KIF2A: variants seen among roughly 807,000 people sequenced by gnomAD.
KIF2A encodes kinesin-like protein KIF2A.
In KIF2A, 22 loss-of-function variants were observed where a neutral mutation model predicts 100.2. The observed-to-expected ratio is 0.22, with a 90% CI of 0.16 to 0.31. KIF2A has a LOEUF of 0.31. Among genes scored for constraint, KIF2A ranks in the 10% least tolerant of loss-of-function variants. KIF2A has a pLI of 1.00. For synonymous variants in KIF2A, 268 were observed against 285.9 expected (o/e 0.94, Z 0.63); for missense variants, 495 against 898.7 (o/e 0.55, Z 5.74).
chr5:62,313,207 T>C (rs1303270254), intron 1 of KIF2A, among the ~76,000 whole-genome samples: 1 of 152,214 alleles, frequency 6.6e-6, no homozygotes, highest in Non-Finnish European at 1.5e-5. Flanking sequence ...GTGTACATTA[T>C]TACTACCTTC....
intron 7 of KIF2A, 137 bp downstream of exon 7, chr5:62,355,391 A>G (rs1748048376): frequency 3.5e-6 from 2 of 570,698 alleles, no homozygotes; most frequent in Non-Finnish European, 6.3e-6. Context: ...CCATATTTTA[A>G]GAAGAAAATC....
rs1308107192 is a variant in KIF2A at position 62,387,238 on chromosome 5, T to TC, written c.*1670dup. 1 of 152,218 alleles carries TC rather than the reference T, an allele frequency of 6.6e-6. No individual in the cohort carries two copies. Among genetic ancestry groups the TC allele is most frequent in the African/African-American group, 2.4e-5 (1 of 41,450 alleles). The allele number at this position is 152,218 out of a possible 1,614,324, so 9.4% of individuals were successfully genotyped here. On this transcript the variant is annotated 3_prime_UTR_variant, in exon 21 of 21. Transcript: ENST00000407818. The stretch of plus-strand genomic sequence containing the variant: ...TTTGTTTTGGAAAGGACTCAGGTTT[T>TC]CTTGCAGCTGTAAGATATATTCTAT...
intron 4 of KIF2A, among the ~76,000 whole-genome samples, chr5:62,351,447 G>A (rs16890659): frequency 0.25 from 37,276 of 151,814 alleles, 4,654 homozygotes; most frequent in Middle Eastern, 0.3. Context: ...GTTAACTGAA[G>A]TCTCCCATAT....
chr5:62,317,052 CT>C (rs757855450), intron 1 of KIF2A, among the ~76,000 whole-genome samples: 3,918 of 141,446 alleles, frequency 0.028, 119 homozygotes, highest in African/African-American at 0.079. Flanking sequence ...AACTTTAGCC[CT>C]TTTTTTTTTT....
At chr5:62,314,807 G>C (rs1188160134) in intron 1 of KIF2A, among the ~76,000 whole-genome samples, 3 of 130,156 alleles carry the variant, frequency 2.3e-5, no homozygotes, top group Non-Finnish European at 4.7e-5. Flanking sequence ...CTGTCACCCA[G>C]GCTGTAGTGC....
chr5:62,335,310 A>G (rs1390679592), intron 1 of KIF2A, among the ~76,000 whole-genome samples: 1 of 152,204 alleles, frequency 6.6e-6, no homozygotes, highest in Non-Finnish European at 1.5e-5. Context: ...TGAGAGACCC[A>G]GTGCCCTGCT....
intron 16 of KIF2A, among the ~76,000 whole-genome samples, chr5:62,367,386 C>A (rs917123784): frequency 1.3e-5 from 2 of 152,010 alleles, no homozygotes; most frequent in Non-Finnish European, 2.9e-5. Flanking sequence ...CCTGCCTCAG[C>A]CCCCTGGGTA....
intron 1 of KIF2A, among the ~76,000 whole-genome samples, chr5:62,325,207 C>T (rs1746310132): frequency 6.6e-6 from 1 of 152,056 alleles, no homozygotes; most frequent in African/African-American, 2.4e-5. Flanking sequence ...TCACTGAAAC[C>T]TCCACCTCCT....
intron 1 of KIF2A, among the ~76,000 whole-genome samples, chr5:62,315,316 T>C (rs1745763663): frequency 6.6e-6 from 1 of 151,258 alleles, no homozygotes; most frequent in Admixed American, 6.6e-5. Flanking sequence ...CTAGAGATTC[T>C]GTCTGGTATG....
Position 62,389,069 on chromosome 5 carries a change from A to C in KIF2A, c.*3500A>C. ...TGTAGCAATCTGAAAAAAGAAATCA[A>C]AATGGAATGGTACTGAAAAGCTAAT... On this transcript the variant is annotated 3_prime_UTR_variant, in exon 21 of 21. Transcript: ENST00000407818. 1 of 1,609,420 alleles carries C rather than the reference A, an allele frequency of 6.2e-7. No homozygotes were observed. The highest frequency in any genetic ancestry group is 8.5e-7 in the Non-Finnish European group (1 of 1,177,374).
At chr5:62,380,790 A>G (rs1741742929) in intron 19 of KIF2A, among the ~76,000 whole-genome samples, 1 of 152,178 alleles carries the variant, frequency 6.6e-6, no homozygotes, top group Non-Finnish European at 1.5e-5. Context: ...CACATTGAGT[A>G]GGCTGAGGAG....
In KIF2A at chr5:62,350,124, A is replaced by G; in HGVS notation, c.334+4A>G. ...CCTCCTTCAAGAGATAATAGAGGTAAAGTAAAAATTTATCTCTTAATTTTG... is the reference window on the plus strand; with the variant it reads ...CCTCCTTCAAGAGATAATAGAGGTAGAGTAAAAATTTATCTCTTAATTTTG... On this transcript the variant is annotated splice_donor_region_variant and intron_variant, in intron 4 of 20. Coordinates refer to ENST00000407818, the MANE Select transcript of KIF2A (RefSeq NM_001098511.3). The G allele has an allele frequency of 6.4e-7, 1 of 1,551,920 alleles. No homozygotes were observed. Among genetic ancestry groups the G allele is most frequent in the Non-Finnish European group, 8.8e-7 (1 of 1,141,522 alleles).
chr5:62,322,730 ATATG>A (rs1746160714), intron 1 of KIF2A, among the ~76,000 whole-genome samples: 1 of 152,136 alleles, frequency 6.6e-6, no homozygotes, highest in Non-Finnish European at 1.5e-5. Context: ...CTACACACAT[ATATG>A]CATATATGGT....
intron 1 of KIF2A, among the ~76,000 whole-genome samples, chr5:62,321,177 T>C (rs1561249803): frequency 1.3e-5 from 2 of 152,214 alleles, no homozygotes; most frequent in African/African-American, 2.4e-5. Context: ...TCGATAGACA[T>C]TTGGGTTTCC....
chr5:62,339,591 A>G (rs1401176413), intron 1 of KIF2A, among the ~76,000 whole-genome samples: 1 of 140,440 alleles, frequency 7.1e-6, no homozygotes, highest in Non-Finnish European at 1.6e-5. Context: ...CACATATGTA[A>G]GAATGTCCAT....
chr5:62,373,983 G>A (rs1561280020), intron 18 of KIF2A, 146 bp downstream of exon 18: 3 of 650,504 alleles, frequency 4.6e-6, no homozygotes, highest in South Asian at 3.8e-5. Flanking sequence ...GAGGCTGAGT[G>A]AGAGGACTGC....
intron 14 of KIF2A, among the ~76,000 whole-genome samples, chr5:62,364,536 G>A (rs1740978166): frequency 6.6e-6 from 1 of 152,150 alleles, no homozygotes; most frequent in Admixed American, 6.6e-5. Flanking sequence ...AATGTGGAAT[G>A]GCTTTCAAAA....
chr5:62,311,248 TA>T, intron 1 of KIF2A, among the ~76,000 whole-genome samples: 1 of 152,300 alleles, frequency 6.6e-6, no homozygotes, highest in African/African-American at 2.4e-5. Context: ...AATTCTCTGT[TA>T]TTTTGGAACC....
chr5:62,326,870 G>A (rs988815621), intron 1 of KIF2A, among the ~76,000 whole-genome samples: 1 of 152,052 alleles, frequency 6.6e-6, no homozygotes, highest in African/African-American at 2.4e-5. Context: ...GGTAGCACAT[G>A]CCTGTGGTCC....
Sources: allele counts gnomAD v4.1 joint callset (sites outside exome capture counted in the v4.1 genomes callset), GRCh38; gene constraint gnomAD v4.1.1; transcripts MANE v1.5; gene names NCBI Gene and HGNC (gene_info 2026-07-23, HGNC 2026-07-21).